The following MYO16 variants were observed in gnomAD, a reference collection of about 807,000 sequenced individuals.
MYO16 encodes unconventional myosin-XVI.
In MYO16, 94 loss-of-function variants were observed where a neutral mutation model predicts 205.3. The observed-to-expected ratio is 0.46, with a 90% CI of 0.39 to 0.54. The LOEUF is 0.54. Among genes scored for constraint, MYO16 ranks in the 20% least tolerant of loss-of-function variants. MYO16 has a pLI of 0.00. For synonymous variants in MYO16, 988 were observed against 954.0 expected (o/e 1.04, Z -0.66); for missense variants, 2,315 against 2,387.5 (o/e 0.97, Z 0.63).
At chr13:109,094,606 A>G (rs571831148) in intron 27 of MYO16, among the ~76,000 whole-genome samples, 5 of 152,214 alleles carry the variant, frequency 3.3e-5, no homozygotes, top group Non-Finnish European at 7.3e-5. Context: ...TACACATGCC[A>G]TGGTTGTTTG....
chr13:108,779,940 A>G (rs1715954082), intron 4 of MYO16: 1 of 152,184 alleles, frequency 6.6e-6, no homozygotes, highest in Non-Finnish European at 1.5e-5. Context: ...TGGGCACAAC[A>G]TGGAGCCTGA....
At chr13:108,752,404 T>C (rs1014141218) in intron 4 of MYO16, among the ~76,000 whole-genome samples, 24 of 152,152 alleles carry the variant, frequency 1.6e-4, no homozygotes, top group African/African-American at 4.3e-4. Context: ...GGGGCACAGA[T>C]TCGTACAAAG....
At chr13:108,816,173 C>G (rs576940688) in intron 7 of MYO16, among the ~76,000 whole-genome samples, 4 of 152,016 alleles carry the variant, frequency 2.6e-5, no homozygotes, top group African/African-American at 9.6e-5. Flanking sequence ...AATTATAAAG[C>G]TTTCAGAAGA....
At chr13:108,738,062 T>C (rs1265780779) in intron 4 of MYO16, among the ~76,000 whole-genome samples, 1 of 152,224 alleles carries the variant, frequency 6.6e-6, no homozygotes, top group Non-Finnish European at 1.5e-5. Context: ...CTATCAATTT[T>C]GTTGATCTTT....
At chr13:109,139,031 G>C (rs913768542) in intron 31 of MYO16, among the ~76,000 whole-genome samples, 5 of 152,170 alleles carry the variant, frequency 3.3e-5, no homozygotes, top group Admixed American at 1.3e-4. Context: ...TGTTAGCCAG[G>C]CTGGTCTCAA....
chr13:108,796,468 G>T (rs1315539834), intron 6 of MYO16, among the ~76,000 whole-genome samples: 1 of 152,094 alleles, frequency 6.6e-6, no homozygotes, highest in Non-Finnish European at 1.5e-5. Flanking sequence ...ACATGCACAG[G>T]TATGTTTATT....
At chr13:108,945,885 A>C (rs1016525682) in intron 16 of MYO16, among the ~76,000 whole-genome samples, 1 of 152,154 alleles carries the variant, frequency 6.6e-6, no homozygotes, top group African/African-American at 2.4e-5. Context: ...ATTTTAATGA[A>C]TCTTTAAAGC....
chr13:108,916,123 C>T (rs1235038172), intron 16 of MYO16, among the ~76,000 whole-genome samples: 2 of 152,164 alleles, frequency 1.3e-5, no homozygotes, highest in East Asian at 3.9e-4. Flanking sequence ...CTTGAAGGTG[C>T]TCCCAAGACA....
chr13:108,697,896 T>C (rs1388701083), intron 2 of MYO16, among the ~76,000 whole-genome samples: 2 of 152,056 alleles, frequency 1.3e-5, no homozygotes, highest in East Asian at 3.9e-4. Flanking sequence ...CTAATTTTTG[T>C]ATTTTTAGTA....
chr13:108,746,725 A>G (rs1316924270), intron 4 of MYO16, among the ~76,000 whole-genome samples: 1 of 152,192 alleles, frequency 6.6e-6, no homozygotes, highest in Admixed American at 6.5e-5. Context: ...TGGTTTAACA[A>G]TGGCCAAACG....
At chr13:108,885,992 T>C (rs1288142622) in intron 13 of MYO16, among the ~76,000 whole-genome samples, 2 of 152,136 alleles carry the variant, frequency 1.3e-5, no homozygotes, top group Non-Finnish European at 2.9e-5. Context: ...TGGGTCTTTT[T>C]TTTTTTGATA....
intron 22 of MYO16, among the ~76,000 whole-genome samples, chr13:109,011,498 C>CTTTTTTTTT (rs34575828): frequency 6.1e-4 from 79 of 129,708 alleles, no homozygotes; most frequent in Non-Finnish European, 7.6e-4. Context: ...TTCTTCCTTT[C>CTTTTTTTTT]TTTTTTTTTT....
In MYO16 at chr13:108,786,842, C is replaced by T. The variant is rs182368798; in HGVS notation, c.616+1099C>T. 1.4e-4 allele frequency among the ~76,000 whole-genome samples: 22 copies of T among 152,344 alleles called. No homozygotes were observed. The East Asian group carries it at 4.1e-3, about 28-fold the overall frequency. On this transcript the variant is annotated intron_variant, in intron 5 of 34. Transcript: ENST00000457511. ...GGTTAGCAGTGCATTCAGTTGACCA[C>T]TCTGCAGCTCAGTCGTGCCTGGGCA...
intron 31 of MYO16, among the ~76,000 whole-genome samples, chr13:109,135,455 GT>G (rs1319779836): frequency 6.6e-6 from 1 of 152,178 alleles, no homozygotes; most frequent in Non-Finnish European, 1.5e-5. Flanking sequence ...GGGGCTAGTA[GT>G]TTTTTCAGCC....
chr13:108,625,112 C>G (rs1879683889), upstream of MYO16, among the ~76,000 whole-genome samples: 1 of 152,142 alleles, frequency 6.6e-6, no homozygotes, highest in Admixed American at 6.6e-5. Flanking sequence ...TCCAACTGTG[C>G]AAGTCTGTAT....
chr13:108,520,934 A>G, the MYO16 span, among the ~76,000 whole-genome samples: 1 of 152,134 alleles, frequency 6.6e-6, no homozygotes, highest in Non-Finnish European at 1.5e-5. Context: ...GCAATGGGTG[A>G]TTCCCATCTT....
intron 12 of MYO16, among the ~76,000 whole-genome samples, chr13:108,876,579 T>G (rs196147): frequency 0.15 from 22,143 of 152,206 alleles, 1,695 homozygotes; most frequent in East Asian, 0.3. Flanking sequence ...GTTTACTATA[T>G]ACATGAACAC....
chr13:108,633,153 A>G (rs1880065573), intron 1 of MYO16, among the ~76,000 whole-genome samples: 1 of 152,186 alleles, frequency 6.6e-6, no homozygotes, highest in South Asian at 2.1e-4. Context: ...AACGAATTGT[A>G]TCAGAAAATC....
At chr13:108,567,327 C>G in the MYO16 span, among the ~76,000 whole-genome samples, 1 of 152,120 alleles carries the variant, frequency 6.6e-6, no homozygotes, top group African/African-American at 2.4e-5. Flanking sequence ...AACTTTAGAG[C>G]TTGGAGCACA....
Sources: allele counts gnomAD v4.1 joint callset (sites outside exome capture counted in the v4.1 genomes callset), GRCh38; gene constraint gnomAD v4.1.1; transcripts MANE v1.5; gene names NCBI Gene and HGNC (gene_info 2026-07-23, HGNC 2026-07-21).